The following GAB1 variants were observed in gnomAD, a reference collection of about 807,000 sequenced individuals.
GAB1 encodes GRB2-associated-binding protein 1.
In GAB1, 19 loss-of-function variants were observed where a neutral mutation model predicts 66.5. The observed-to-expected ratio is 0.29, with a 90% CI of 0.20 to 0.42. The LOEUF is 0.42. Ranked by LOEUF, GAB1 falls within the 10% of genes least tolerant of loss-of-function variation. The probability of loss-of-function intolerance (pLI) is 1.00; values close to 1 mark genes in which losing one functional copy is unlikely to be tolerated. For missense variants in GAB1, 732 were observed against 858.5 expected, an observed-to-expected ratio of 0.85 and a Z score of 1.84; for synonymous variants, 294 against 301.4, an observed-to-expected ratio of 0.98 and a Z score of 0.25.
At chr4:143,459,959 T>A (rs1735397475) in intron 7 of GAB1, among the ~76,000 whole-genome samples, 1 of 152,148 alleles carries the variant, frequency 6.6e-6, no homozygotes, top group Non-Finnish European at 1.5e-5. Flanking sequence ...CTTATTTAAA[T>A]GTATATAGGG....
At chr4:143,434,168 AGT>A in intron 3 of GAB1, 1 of 1,279,440 alleles carries the variant, frequency 7.8e-7, no homozygotes, top group South Asian at 1.2e-5. Context: ...ATTCCATTGC[AGT>A]GAGTGTGTTG....
At chr4:143,409,046 GTTC>G (rs1732218538) in intron 1 of GAB1, among the ~76,000 whole-genome samples, 2 of 152,190 alleles carry the variant, frequency 1.3e-5, no homozygotes, top group South Asian at 4.1e-4. Context: ...AGTCAGCAGA[GTTC>G]TTTTTCAAGT....
chr4:143,461,530 C>T (rs1006597740), intron 8 of GAB1, among the ~76,000 whole-genome samples: 1 of 152,198 alleles, frequency 6.6e-6, no homozygotes, highest in African/African-American at 2.4e-5. Flanking sequence ...CCAACTGCCT[C>T]ATAAGGACAG....
At chr4:143,443,041 G>A (rs1458285983) in intron 6 of GAB1, among the ~76,000 whole-genome samples, 1 of 134,782 alleles carries the variant, frequency 7.4e-6, no homozygotes, top group Non-Finnish European at 1.5e-5. Flanking sequence ...TTTTGAGACA[G>A]AGTCTCGCTC....
intron 1 of GAB1, among the ~76,000 whole-genome samples, chr4:143,397,564 T>G (rs1357813383): frequency 3.9e-5 from 6 of 152,188 alleles, no homozygotes. Context: ...CTTTAAGGAT[T>G]ATATCATAAT....
At chr4:143,343,810 A>C (rs1728902623) in intron 1 of GAB1, among the ~76,000 whole-genome samples, 1 of 152,098 alleles carries the variant, frequency 6.6e-6, no homozygotes. Flanking sequence ...AAGAACAAAG[A>C]TTTGTGTTGA....
At chr4:143,429,030 T>G (rs1733512014) in intron 2 of GAB1, among the ~76,000 whole-genome samples, 1 of 152,064 alleles carries the variant, frequency 6.6e-6, no homozygotes, top group South Asian at 2.1e-4. Context: ...CATGATAGGA[T>G]GGAGTTGTTT....
At chr4:143,337,464 C>T (rs1337685173) in intron 1 of GAB1, among the ~76,000 whole-genome samples, 2 of 152,210 alleles carry the variant, frequency 1.3e-5, no homozygotes, top group African/African-American at 4.8e-5. Flanking sequence ...GGCCGGACAA[C>T]TTTCTTCCTC....
intron 6 of GAB1, among the ~76,000 whole-genome samples, chr4:143,456,199 T>TGTAATACCC (rs1204488209): frequency 1.3e-5 from 2 of 152,252 alleles, no homozygotes; most frequent in Non-Finnish European, 2.9e-5. Context: ...GGCTTACGCC[T>TGTAATACCC]GTAATCCCAG....
chr4:143,457,657 A>G, intron 6 of GAB1: 1 of 980,938 alleles, frequency 1.0e-6, no homozygotes, highest in Non-Finnish European at 1.5e-6. Context: ...TTATATTAAG[A>G]GAGTCTTCTT....
At chr4:143,376,119 CT>C (rs5862636) in intron 1 of GAB1, among the ~76,000 whole-genome samples, 3,155 of 152,238 alleles carry the variant, frequency 0.021, 105 homozygotes, top group African/African-American at 0.072. Context: ...CCCCAACCCC[CT>C]ACACCACCTC....
intron 1 of GAB1, among the ~76,000 whole-genome samples, chr4:143,377,415 A>G (rs922195139): frequency 6.6e-6 from 1 of 152,098 alleles, no homozygotes; most frequent in African/African-American, 2.4e-5. Context: ...ACTTTCAACC[A>G]TGTATGGTTG....
chr4:143,402,343 C>G (rs1731821353), intron 1 of GAB1, among the ~76,000 whole-genome samples: 1 of 152,184 alleles, frequency 6.6e-6, no homozygotes, highest in Non-Finnish European at 1.5e-5. Context: ...TTTTCAGGAA[C>G]AGAACAATAA....
intron 1 of GAB1, among the ~76,000 whole-genome samples, chr4:143,381,137 T>C (rs1215195083): frequency 6.6e-6 from 1 of 152,200 alleles, no homozygotes; most frequent in East Asian, 1.9e-4. Flanking sequence ...ACAGATTTAG[T>C]TCAAATGCCA....
chr4:143,446,281 T>A (rs1014550876), intron 6 of GAB1, among the ~76,000 whole-genome samples: 3 of 152,200 alleles, frequency 2.0e-5, no homozygotes, highest in African/African-American at 7.2e-5. Flanking sequence ...TATAGCAGCA[T>A]GATTTATAGT....
In GAB1 at chr4:143,433,601, C is replaced by T; in HGVS notation, c.478C>T (p.Pro160Ser). Residue 160 changes from proline to serine, a missense_variant, in exon 3 of 10, where the codon CCT becomes TCT. Pro to Ser is a moderately conservative substitution (Grantham distance 74). Around this residue, in one of 4 missense-constraint regions of GAB1, gnomAD observed 427 missense variants for 420.6 expected, o/e 1.02. Coordinates refer to ENST00000262994, the MANE Select transcript of GAB1 (RefSeq NM_002039.4). ...AGATTCATCCTCTGCTACTCTACCT[C>T]CTCCATATCAGCTAATCAATGTTCC... Reference protein sequence around the residue: ...QADSSSATLPPPYQLINVPPH... With the variant: ...QADSSSATLPSPYQLINVPPH... The T allele has an allele frequency of 6.2e-7, 1 of 1,613,968 alleles. No individual in the cohort carries two copies. Among genetic ancestry groups the T allele is most frequent in the Non-Finnish European group, 8.5e-7 (1 of 1,179,876 alleles).
At chr4:143,400,950 C>T (rs1229910923) in intron 1 of GAB1, among the ~76,000 whole-genome samples, 2 of 143,054 alleles carry the variant, frequency 1.4e-5, no homozygotes, top group Non-Finnish European at 3.0e-5. Context: ...GCCTGGACAA[C>T]AGAGCAAGAC....
intron 1 of GAB1, chr4:143,349,175 T>C (rs1363043834): frequency 2.1e-6 from 1 of 471,310 alleles, no homozygotes; most frequent in East Asian, 3.7e-5. Flanking sequence ...CCTTCCTAGA[T>C]TAAAATATTC....
At chr4:143,373,044 A>ACACACACACACACAC (rs1560725364) in intron 1 of GAB1, among the ~76,000 whole-genome samples, 10 of 148,154 alleles carry the variant, frequency 6.7e-5, no homozygotes, top group Non-Finnish European at 1.5e-4. Flanking sequence ...TTCCTTTAAA[A>ACACACACACACACAC]ACACACACAC....
Sources: allele counts gnomAD v4.1 joint callset (sites outside exome capture counted in the v4.1 genomes callset), GRCh38; gene constraint gnomAD v4.1.1; regional missense constraint gnomAD v4.1.1; transcripts MANE v1.5; gene names NCBI Gene and HGNC (gene_info 2026-07-23, HGNC 2026-07-21).